The following SIPA1L1 variants were observed in gnomAD, a reference collection of about 807,000 sequenced individuals.
SIPA1L1 encodes signal induced proliferation associated 1 like 1.
Under a neutral mutation model 162.7 loss-of-function variants are expected in SIPA1L1, and 26 were observed. That is an observed-to-expected ratio of 0.16 (90% confidence interval 0.12 to 0.22). The LOEUF (loss-of-function observed/expected upper bound fraction) is 0.22, where lower values mean the gene tolerates loss of function less well. Ranked by LOEUF, SIPA1L1 falls within the 10% of genes least tolerant of loss-of-function variation. The pLI, the probability that SIPA1L1 is intolerant of heterozygous loss-of-function variation, is 1.00. For synonymous variants in SIPA1L1, 829 were observed against 837.4 expected, an observed-to-expected ratio of 0.99 and a Z score of 0.17; for missense variants, 1,874 against 2,241.0, an observed-to-expected ratio of 0.84 and a Z score of 3.31.
At chr14:71,683,599 T>G (rs1291400206) in intron 12 of SIPA1L1, among the ~76,000 whole-genome samples, 1 of 152,224 alleles carries the variant, frequency 6.6e-6, no homozygotes, top group Non-Finnish European at 1.5e-5. Context: ...CCACAGTGTA[T>G]TACCTCTATG....
At chr14:71,523,206 T>G (rs2144976301) in intron 3 of SIPA1L1, among the ~76,000 whole-genome samples, 1 of 152,256 alleles carries the variant, frequency 6.6e-6, no homozygotes, top group South Asian at 2.1e-4. Flanking sequence ...ATTTTCAAAC[T>G]TCTCATTTAC....
chr14:71,460,121 C>G (rs531167733), intron 2 of SIPA1L1, among the ~76,000 whole-genome samples: 1 of 152,248 alleles, frequency 6.6e-6, no homozygotes, highest in South Asian at 2.1e-4. Context: ...TGTATACATG[C>G]ACAAACATGT....
chr14:71,538,179 A>G (rs1037478238), intron 4 of SIPA1L1, among the ~76,000 whole-genome samples: 2 of 152,242 alleles, frequency 1.3e-5, no homozygotes, highest in Non-Finnish European at 2.9e-5. Context: ...TTATACACTA[A>G]GATCTCCCTT....
At chr14:71,535,302 A>G (rs1332727709) in intron 4 of SIPA1L1, among the ~76,000 whole-genome samples, 1 of 152,242 alleles carries the variant, frequency 6.6e-6, no homozygotes, top group African/African-American at 2.4e-5. Context: ...TTAAGATAAA[A>G]GAAAGCACCT....
chr14:71,564,736 G>A (rs189741749), intron 4 of SIPA1L1, among the ~76,000 whole-genome samples: 230 of 152,110 alleles, frequency 1.5e-3, no homozygotes, highest in African/African-American at 5.3e-3. Flanking sequence ...TGATCCGCCC[G>A]CCTTGGTCTC....
intron 10 of SIPA1L1, among the ~76,000 whole-genome samples, chr14:71,662,599 A>G (rs1053198126): frequency 6.6e-6 from 1 of 152,160 alleles, no homozygotes; most frequent in Non-Finnish European, 1.5e-5. Flanking sequence ...TCTCTTAACC[A>G]CGCTGCTATG....
intron 5 of SIPA1L1, among the ~76,000 whole-genome samples, chr14:71,598,057 G>A (rs191928000): frequency 2.0e-5 from 3 of 152,258 alleles, no homozygotes; most frequent in African/African-American, 2.4e-5. Flanking sequence ...AGAGGAAGCC[G>A]TCTGTGTATA....
At position 71,399,509 on chromosome 14, in the gene SIPA1L1, A is replaced by G. The variant is rs921211187; in HGVS notation, c.-465+78328A>G. ...AACCCCAAACCCCTGGGCTTAAGCA[A>G]TCCTGACATCTTAACCTTCTGAGTA... On this transcript the variant is annotated intron_variant, in intron 2 of 23. Transcript: ENST00000381232. 3.9e-5 allele frequency among the ~76,000 whole-genome samples: 6 copies of G among 151,954 alleles called. No homozygotes were observed. The South Asian group carries it at 6.2e-4, about 16-fold the overall frequency.
chr14:71,482,268 C>T (rs1275691817), intron 2 of SIPA1L1, among the ~76,000 whole-genome samples: 1 of 152,092 alleles, frequency 6.6e-6, no homozygotes, highest in Admixed American at 6.5e-5. Context: ...TGCTCTTCAG[C>T]TTTTAGCTAT....
chr14:71,512,664 C>CGGGGTT (rs2051278428), intron 2 of SIPA1L1, 79 bp from the exon 3 acceptor site: 1 of 59,372 alleles, frequency 1.7e-5, no homozygotes, highest in South Asian at 5.1e-4. Flanking sequence ...GGGGGGAAGC[C>CGGGGTT]GGGGTTGGGG....
In SIPA1L1 at chr14:71,740,855, T is replaced by C. The variant is rs2085697830; in HGVS notation, c.*1694T>C. 1 of 152,242 alleles carries C rather than the reference T, an allele frequency of 6.6e-6. No homozygotes were observed. Among genetic ancestry groups the C allele is most frequent in the Admixed American group, 6.5e-5 (1 of 15,274 alleles). 9.4% of individuals were successfully genotyped at this position (152,242 alleles called of 1,614,324 possible). ...GATATCTCTTTGTAAATGAGAAATA[T>C]TGCTAACATCCAAGCATTCTGAAGT... On this transcript the variant is annotated 3_prime_UTR_variant, in exon 24 of 24. Transcript: ENST00000381232.
intron 12 of SIPA1L1, among the ~76,000 whole-genome samples, chr14:71,675,188 G>A (rs1484631765): frequency 1.3e-5 from 2 of 152,226 alleles, no homozygotes; most frequent in African/African-American, 4.8e-5. Flanking sequence ...GCACACCAGG[G>A]AGTGAATGAG....
chr14:71,738,475 T>C (rs1333332782), intron 23 of SIPA1L1, 150 bp downstream of exon 23: 10 of 568,064 alleles, frequency 1.8e-5, no homozygotes, highest in Admixed American at 9.5e-5. Context: ...CAGTTGCCAC[T>C]GGAACACACA....
intron 2 of SIPA1L1, among the ~76,000 whole-genome samples, chr14:71,383,897 A>G (rs939323545): frequency 5.9e-5 from 9 of 152,080 alleles, no homozygotes; most frequent in Admixed American, 1.3e-4. Context: ...TATCCAAACC[A>G]TATCACCCAC....
At chr14:71,356,585 A>AAAAAAAAAAAAAAAAC (rs1316274254) in intron 2 of SIPA1L1, among the ~76,000 whole-genome samples, 1 of 147,018 alleles carries the variant, frequency 6.8e-6, no homozygotes, top group Admixed American at 6.8e-5. Context: ...AAAAAAAAAA[A>AAAAAAAAAAAAAAAAC]AAGCACACCT....
At position 71,511,324 on chromosome 14, in the gene SIPA1L1, GC is replaced by G. The variant is rs2051130532; in HGVS notation, c.-464-1416del. Among the ~76,000 whole-genome samples, 3 of 151,978 alleles carry G rather than the reference GC, an allele frequency of 2.0e-5. No individual in the cohort carries two copies. In the South Asian group the frequency reaches 6.2e-4, roughly 32 times the overall value. On this transcript the variant is annotated intron_variant, in intron 2 of 23. Coordinates refer to ENST00000381232, the MANE Select transcript of SIPA1L1 (RefSeq NM_001386936.1). ...CCTTTTGAGACAGGGTCTCACTGTTGCCCAGGCTGTAGTAGAGTGGTGTGAA... is the reference window on the plus strand; with the variant it reads ...CCTTTTGAGACAGGGTCTCACTGTTGCCAGGCTGTAGTAGAGTGGTGTGAA...
intron 2 of SIPA1L1, among the ~76,000 whole-genome samples, chr14:71,347,782 T>C (rs553967870): frequency 6.6e-6 from 1 of 152,372 alleles, no homozygotes; most frequent in South Asian, 2.1e-4. Context: ...TTGCTGGCCA[T>C]TTGTAGATCT....
chr14:71,376,095 G>A (rs1270076974), intron 2 of SIPA1L1, among the ~76,000 whole-genome samples: 1 of 152,096 alleles, frequency 6.6e-6, no homozygotes, highest in Admixed American at 6.5e-5. Context: ...CTGAAAAAGT[G>A]TATGTAGAAT....
In SIPA1L1 at chr14:71,739,302, C is replaced by G; in HGVS notation, c.*141C>G. The G allele has an allele frequency of 1.7e-6, 1 of 584,184 alleles. No individual in the cohort carries two copies. Among genetic ancestry groups the G allele is most frequent in the Non-Finnish European group, 2.6e-6 (1 of 379,390 alleles). The allele number at this position is 584,184 out of a possible 1,614,324, so 36.2% of individuals were successfully genotyped here. ...GCCCCCTTTCGGGGAGTGCACAACA[C>G]AATAGTTGCAGATCAACAATCATCA... On this transcript the variant is annotated 3_prime_UTR_variant, in exon 24 of 24. Transcript: ENST00000381232.
Sources: gnomAD v4.1 joint callset for allele counts (sites outside exome capture counted in the v4.1 genomes callset) on GRCh38, gnomAD v4.1.1 for gene constraint, MANE v1.5 for transcripts, NCBI Gene and HGNC (gene_info 2026-07-23, HGNC 2026-07-21) for gene names.